AHDC1: variants seen among roughly 807,000 people sequenced by gnomAD.
AHDC1 encodes transcription factor Gibbin.
A neutral mutation model predicts 87.9 loss-of-function variants in AHDC1; 7 were observed. That is an observed-to-expected ratio of 0.08 (90% CI 0.05 to 0.15). The LOEUF (loss-of-function observed/expected upper bound fraction) is 0.15. Among genes scored for constraint, AHDC1 ranks in the 10% least tolerant of loss-of-function variants. The pLI is 1.00. For synonymous variants in AHDC1, 1,051 were observed against 1,006.8 expected, an observed-to-expected ratio of 1.04 and a Z score of -0.83; for missense variants, 1,841 against 2,253.2, an observed-to-expected ratio of 0.82 and a Z score of 3.70.
rs2020108565 is a variant in AHDC1, at chr1:27,562,015, A to ACGGGGGAAG, written c.-628-3141_-628-3133dup. Among the ~76,000 whole-genome samples, 1 of 152,018 alleles carries ACGGGGGAAG rather than the reference A, an allele frequency of 6.6e-6. No homozygotes were observed. The highest frequency in any genetic ancestry group is 6.6e-5 in the Admixed American group (1 of 15,258). ...GAAGAGCCCCAGAGGGGAGAGAGGC[A>ACGGGGGAAG]CGGGGGAAGCGAGCCAGGCAGAGAT... On this transcript the variant is annotated intron_variant, in intron 3 of 8. Transcript: ENST00000673934. This position sits in a 1 kb window ranked among gnomAD's most constrained non-coding sequence, Gnocchi z 4.4.
At chr1:27,602,986 T>TCCCCCCCCCCCCCCCCTC (rs552714980) in intron 3 of AHDC1, among the ~76,000 whole-genome samples, 1 of 69,824 alleles carries the variant, frequency 1.4e-5, no homozygotes, top group African/African-American at 6.3e-5. Context: ...CCCCCTTCAT[T>TCCCCCCCCCCCCCCCCTC]CCCCCCCCCC....
At chr1:27,546,894 C>T (rs770175858) in intron 8 of AHDC1, among the ~76,000 whole-genome samples, 8 of 152,200 alleles carry the variant, frequency 5.3e-5, no homozygotes, top group Admixed American at 2.6e-4. Flanking sequence ...AATGCCCACC[C>T]TTATCAGCGT....
Position 27,552,187 on chromosome 1 carries a change from G to A in AHDC1, c.-72C>T, listed in dbSNP as rs2019610827. 1 of 1,425,556 alleles carries A rather than the reference G, an allele frequency of 7.0e-7. No homozygotes were observed. Among genetic ancestry groups the A allele is most frequent in the Non-Finnish European group, 9.1e-7 (1 of 1,093,354 alleles). 88.3% of individuals were successfully genotyped at this position (1,425,556 alleles called of 1,614,324 possible). A position where few individuals can be genotyped will look rare whatever the true frequency, so the allele number is the denominator to read the frequency against. The stretch of plus-strand genomic sequence containing the variant: ...TGAGGGTGCGAGAAGCCGGGACCAG[G>A]ACCTGCCAGGCAGGAAGAGCAGGAG... On this transcript the variant is annotated splice_region_variant and 5_prime_UTR_variant, in exon 8 of 9. Transcript: ENST00000673934.
At chr1:27,536,961 C>A (rs1031889290) in intron 8 of AHDC1, among the ~76,000 whole-genome samples, 1 of 152,096 alleles carries the variant, frequency 6.6e-6, no homozygotes, top group Non-Finnish European at 1.5e-5. Context: ...ACCATTCCCG[C>A]GGTGCCTGCG....
chr1:27,569,450 C>T (rs116317601), intron 3 of AHDC1, among the ~76,000 whole-genome samples: 1,630 of 152,224 alleles, frequency 0.011, 24 homozygotes, highest in African/African-American at 0.037. Context: ...CTCAGCCTCC[C>T]ATCACACCAC....
intron 8 of AHDC1, among the ~76,000 whole-genome samples, chr1:27,540,277 C>T (rs2018844820): frequency 6.6e-6 from 1 of 152,178 alleles, no homozygotes; most frequent in Non-Finnish European, 1.5e-5. Flanking sequence ...CACCCTGTCC[C>T]TGCCCTTCTA....
chr1:27,555,085 C>T (rs939576134), intron 5 of AHDC1, among the ~76,000 whole-genome samples: 3 of 152,232 alleles, frequency 2.0e-5, no homozygotes, highest in Admixed American at 1.3e-4. Context: ...AATGCTCCTT[C>T]TAGCGCCGTG....
intron 3 of AHDC1, among the ~76,000 whole-genome samples, chr1:27,568,789 C>T (rs2148385364): frequency 6.6e-6 from 1 of 152,040 alleles, no homozygotes; most frequent in East Asian, 1.9e-4. Flanking sequence ...CCGGGGCGCT[C>T]TTCGTGGGCG....
intron 3 of AHDC1, among the ~76,000 whole-genome samples, chr1:27,559,671 C>T (rs935896657): frequency 1.4e-4 from 21 of 152,178 alleles, no homozygotes; most frequent in African/African-American, 3.9e-4. Context: ...ATGGTGGATG[C>T]GAATTTCCAC....
Position 27,550,223 on chromosome 1 carries a change from C to A in AHDC1, c.1893G>T (p.Arg631=). 1 of 1,613,462 alleles carries A rather than the reference C, an allele frequency of 6.2e-7. No homozygotes were observed. Among genetic ancestry groups the A allele is most frequent in the Non-Finnish European group, 8.5e-7 (1 of 1,179,844 alleles). ...FLNRQSQCAG[R]CSPPRCWTPS... is the part of the protein sequence containing the mutation. ...GTGTCCAGCAGCGGGGCGGTGAGCA[C>A]CGTCCAGCGCACTGGCTCTGGCGGT... The change falls in exon 8 of 9, where the codon CGG becomes CGT. Residue 631 remains arginine, a synonymous_variant. Transcript: ENST00000673934.
rs772074776 is a variant in AHDC1, at chr1:27,548,522, C to G, written c.3594G>C (p.Leu1198=). The G allele has an allele frequency of 6.2e-7, 1 of 1,613,786 alleles. No homozygotes were observed. The highest frequency in any genetic ancestry group is 1.1e-5 in the South Asian group (1 of 91,082). ...EASSSEGQSS[L]SSLEKLMMDW... The stretch of plus-strand genomic sequence containing the variant: ...CCATCATCAGTTTCTCCAGGCTGGA[C>G]AGGCTCGACTGGCCCTCACTACTTG... The change falls in exon 8 of 9, where the codon CTG becomes CTC. Residue 1198 remains leucine, a synonymous_variant. Transcript: ENST00000673934.
At chr1:27,586,801 G>C (rs1177436455) in intron 3 of AHDC1, among the ~76,000 whole-genome samples, 2 of 152,234 alleles carry the variant, frequency 1.3e-5, no homozygotes, top group Admixed American at 1.3e-4. Context: ...TCAGTGGGCA[G>C]GAAGGGTCCT....
In AHDC1 at chr1:27,595,655, C is replaced by T. The variant is rs560827855; in HGVS notation, c.-629+7742G>A. Among the ~76,000 whole-genome samples the T allele has an allele frequency of 5.9e-5, 9 of 151,754 alleles. No individual in the cohort carries two copies. Among genetic ancestry groups the T allele is most frequent in the Middle Eastern group, 3.4e-3 (1 of 292 alleles). ...GGTTATTGGGATTTTAATTGGGTAC[C>T]TGCAAGGGTCTGGGGAGGCGTTAGA... On this transcript the variant is annotated intron_variant, in intron 3 of 8. Transcript: ENST00000673934. The surrounding 1 kb of genome is among the most constrained non-coding windows in gnomAD (Gnocchi z 4.0).
In AHDC1 at chr1:27,548,574, C is replaced by T. The variant is rs761051371; in HGVS notation, c.3542G>A (p.Gly1181Glu). 6.8e-6 allele frequency: 11 copies of T among 1,613,448 alleles called. No individual in the cohort carries two copies. The highest frequency in any genetic ancestry group is 4.0e-5 in the African/African-American group (3 of 74,946). ...GGCCTCGCTGTTGGCACGCCGAAAC[C>T]CCCCGCCACCAACCGGCTGATTGAA... ...TQFNQPVGGG[G>E]FRRANSEASS... Residue 1181 changes from glycine to glutamate, a missense_variant, in exon 8 of 9, where the codon GGG (glycine) becomes GAG (glutamate). By Grantham distance (98) the Gly-to-Glu change is moderately conservative. Coordinates refer to ENST00000673934, the MANE Select transcript of AHDC1 (RefSeq NM_001371928.1).
At chr1:27,541,882 G>C (rs1434129487) in intron 8 of AHDC1, among the ~76,000 whole-genome samples, 1 of 152,182 alleles carries the variant, frequency 6.6e-6, no homozygotes, top group South Asian at 2.1e-4. Context: ...CTCTTCCCTC[G>C]GCCTCCCAAA....
At chr1:27,600,276 CG>C (rs2089495416) in intron 3 of AHDC1, among the ~76,000 whole-genome samples, 1 of 151,866 alleles carries the variant, frequency 6.6e-6, no homozygotes, top group African/African-American at 2.4e-5. Flanking sequence ...TCCTGGCTTC[CG>C]CCTCCCCACT....
chr1:27,551,203 C>T lies in AHDC1; in HGVS notation c.913G>A (p.Asp305Asn). The T allele has an allele frequency of 6.2e-7, 1 of 1,610,284 alleles. No homozygotes were observed. The highest frequency in any genetic ancestry group is 2.2e-5 in the East Asian group (1 of 44,838). ...GCCAGGCCCGGCAGCCCCAGAGGAT[C>T]AGCAAGAGGTTGCAGGGGTGGCAGC... ...LELPPLQPLA[D>N]PLGLPGLALQ... The change falls in exon 8 of 9, where the codon GAT (aspartate) becomes AAT (asparagine). Residue 305 changes from aspartate (D) to asparagine (N), a missense_variant. By Grantham distance (23) the Asp-to-Asn change is conservative (BLOSUM62 1). Coordinates refer to ENST00000673934, the MANE Select transcript of AHDC1 (RefSeq NM_001371928.1).
chr1:27,550,894 C>G lies in AHDC1; in HGVS notation c.1222G>C (p.Gly408Arg). The G allele has an allele frequency of 6.3e-7, 1 of 1,591,572 alleles. No homozygotes were observed. The highest frequency in any genetic ancestry group is 8.5e-7 in the Non-Finnish European group (1 of 1,174,246). The change falls in exon 8 of 9, where the codon GGA becomes CGA. Residue 408 changes from glycine (G) to arginine (R), a missense_variant. Gly to Arg is a moderately radical substitution (Grantham distance 125, BLOSUM62 -2). Around this residue, in one of 13 missense-constraint regions of AHDC1, gnomAD observed 370 missense variants for 391.5 expected, o/e 0.95. Coordinates refer to ENST00000673934, the MANE Select transcript of AHDC1 (RefSeq NM_001371928.1). ...AGGGGCAGTAGGCGGCCCTCGGGTCCGGCGTCTGCCTTGCGTCCCCGTCCG... is the reference window on the plus strand; with the variant it reads ...AGGGGCAGTAGGCGGCCCTCGGGTCGGGCGTCTGCCTTGCGTCCCCGTCCG... ...KAGRGRKADA[G>R]PEGRLLPLPM... is the part of the protein sequence containing the mutation.
chr1:27,572,042 C>CA (rs2088538122), intron 3 of AHDC1, among the ~76,000 whole-genome samples: 1 of 152,104 alleles, frequency 6.6e-6, no homozygotes, highest in South Asian at 2.1e-4. Flanking sequence ...CCAGACCCTG[C>CA]ACCAGCCTGG....
Sources: allele counts gnomAD v4.1 joint callset (sites outside exome capture counted in the v4.1 genomes callset), GRCh38; gene constraint gnomAD v4.1.1; regional missense constraint gnomAD v4.1.1; non-coding constraint Gnocchi (gnomAD v3.1); transcripts MANE v1.5; gene names NCBI Gene and HGNC (gene_info 2026-07-23, HGNC 2026-07-21).